WDR53: variants seen among roughly 807,000 people sequenced by gnomAD.
The protein encoded by WDR53 is WD repeat-containing protein 53.
WDR53 carries 19 observed loss-of-function variants against 21.3 expected under a neutral mutation model. That is an observed-to-expected ratio of 0.89 (90% CI 0.62 to 1.31). The LOEUF (loss-of-function observed/expected upper bound fraction) is 1.31. WDR53 is among the 50% of genes most tolerant of loss of function. WDR53 has a pLI of 0.00. For missense variants in WDR53, 374 were observed against 423.2 expected, an observed-to-expected ratio of 0.88 and a Z score of 1.02; for synonymous variants, 157 against 163.4, an observed-to-expected ratio of 0.96 and a Z score of 0.30.
intron 3 of WDR53, among the ~76,000 whole-genome samples, chr3:196,555,245 T>C (rs1734223899): frequency 6.6e-6 from 1 of 152,232 alleles, no homozygotes; most frequent in African/African-American, 2.4e-5. Context: ...AATGCCTTCC[T>C]TTCCTTTCAC....
At chr3:196,556,359 T>TA in intron 3 of WDR53, among the ~76,000 whole-genome samples, 1 of 152,110 alleles carries the variant, frequency 6.6e-6, no homozygotes, top group African/African-American at 2.4e-5. Context: ...CAGTTTCTAT[T>TA]AAAAAATCTG....
chr3:196,568,128 C>A (rs562541241), intron 1 of WDR53, among the ~76,000 whole-genome samples: 1 of 152,278 alleles, frequency 6.6e-6, no homozygotes, highest in East Asian at 1.9e-4. Context: ...GACGGCAGCA[C>A]TTAATTAGCG....
At position 196,554,310 on chromosome 3, in the gene WDR53, T is replaced by C. The variant is rs781387801; in HGVS notation, c.978A>G (p.Lys326=). ...LPKLNIEHGE[K]VNWLLGTKIK... ...TTTTTGTACCCAAGAGCCAGTTCAC[T>C]TTTTCTCCATGTTCAATATTTAGCT... The change falls in exon 4 of 4, where the codon AAA becomes AAG. Residue 326 remains lysine, a synonymous_variant. Coordinates refer to ENST00000332629, the MANE Select transcript of WDR53 (RefSeq NM_182627.3). 1.5e-5 allele frequency: 25 copies of C among 1,614,194 alleles called. No homozygotes were observed. In the South Asian group the frequency reaches 2.6e-4, roughly 17 times the overall value.
At position 196,554,294 on chromosome 3, in the gene WDR53, C is replaced by T; in HGVS notation, c.994G>A (p.Gly332Ser). ...TTTTGGTGTCCCTTTATTTTTGTAC[C>T]CAAGAGCCAGTTCACTTTTTCTCCA... ...EHGEKVNWLL[G>S]TKIKGHQNIL... The change falls in exon 4 of 4, where the codon GGT (glycine) becomes AGT (serine). Residue 332 changes from glycine (G) to serine (S), a missense_variant. Gly to Ser is a moderately conservative substitution (Grantham distance 56). Transcript: ENST00000332629. The T allele has an allele frequency of 6.2e-7, 1 of 1,613,856 alleles. No individual in the cohort carries two copies. The highest frequency in any genetic ancestry group is 1.1e-5 in the South Asian group (1 of 91,068).
At chr3:196,556,651 G>A (rs1331892398) in intron 3 of WDR53, among the ~76,000 whole-genome samples, 4 of 70,184 alleles carry the variant, frequency 5.7e-5, no homozygotes, top group Non-Finnish European at 8.0e-5. Context: ...GCAAGACTCC[G>A]TCTTTAAAAA....
At chr3:196,557,498 T>C (rs1337744935) in intron 3 of WDR53, among the ~76,000 whole-genome samples, 1 of 152,172 alleles carries the variant, frequency 6.6e-6, no homozygotes, top group Admixed American at 6.5e-5. Context: ...GCTCTAATTG[T>C]ACCACTGCAC....
rs1360375906 is a variant in WDR53, at chr3:196,568,515, A to C, written c.-448+4T>G. On this transcript the variant is annotated splice_donor_region_variant and intron_variant, in intron 1 of 3. Transcript: ENST00000332629. ...CATCGAAGCCACCGGCGCCAGCCTC[A>C]TACCTGCGCTTCCCGCTCCCCTCCT... 1 of 152,422 alleles carries C rather than the reference A, an allele frequency of 6.6e-6. No individual in the cohort carries two copies. The highest frequency in any genetic ancestry group is 2.4e-5 in the African/African-American group (1 of 41,476). 9.4% of individuals were successfully genotyped at this position (152,422 alleles called of 1,614,324 possible).
chr3:196,556,045 GA>G (rs1734285787), intron 3 of WDR53, among the ~76,000 whole-genome samples: 1 of 151,968 alleles, frequency 6.6e-6, no homozygotes, highest in Non-Finnish European at 1.5e-5. Context: ...AACTTGATAT[GA>G]AAATAGTTTT....
At chr3:196,562,190 G>C (rs1734938573) in intron 2 of WDR53, among the ~76,000 whole-genome samples, 1 of 152,184 alleles carries the variant, frequency 6.6e-6, no homozygotes. Context: ...AATGCAAATT[G>C]TCAGACCCAA....
At chr3:196,565,926 C>G (rs1485927768) in intron 2 of WDR53, among the ~76,000 whole-genome samples, 1 of 152,364 alleles carries the variant, frequency 6.6e-6, no homozygotes, top group East Asian at 1.9e-4. Flanking sequence ...TCCCCACATT[C>G]ACGTATCAAG....
At chr3:196,565,086 A>G (rs1053315871) in intron 2 of WDR53, among the ~76,000 whole-genome samples, 17 of 152,200 alleles carry the variant, frequency 1.1e-4, no homozygotes, top group African/African-American at 4.1e-4. Flanking sequence ...CAGTTCCTAT[A>G]AATTTTTCCA....
chr3:196,555,010 T>TAGGTAGAATTA (rs60034115), intron 3 of WDR53, among the ~76,000 whole-genome samples: 128,817 of 151,648 alleles, frequency 0.85, 54,944 homozygotes, highest in East Asian at 0.98. Context: ...AGAGTGCGGT[T>TAGGTAGAATTA]AGGTAGAATT....
At chr3:196,568,169 G>C (rs926882806) in intron 1 of WDR53, among the ~76,000 whole-genome samples, 2 of 152,170 alleles carry the variant, frequency 1.3e-5, no homozygotes, top group Non-Finnish European at 2.9e-5. Context: ...TTGGGCGAGG[G>C]GGTGTTCAGT....
At chr3:196,555,509 G>A (rs541019574) in intron 3 of WDR53, among the ~76,000 whole-genome samples, 4 of 152,100 alleles carry the variant, frequency 2.6e-5, no homozygotes, top group East Asian at 3.9e-4. Context: ...TTGGCTTTTC[G>A]TTGTTCCCGA....
At chr3:196,554,846 T>C in intron 3 of WDR53, 39 bp from the exon 4 acceptor site, 3 of 1,538,438 alleles carry the variant, frequency 2.0e-6, no homozygotes, top group Non-Finnish European at 2.7e-6. Flanking sequence ...TACAAAATGC[T>C]AGCCAATTTG....
intron 2 of WDR53, among the ~76,000 whole-genome samples, chr3:196,565,569 G>T (rs1440334941): frequency 1.4e-5 from 2 of 144,790 alleles, no homozygotes; most frequent in Non-Finnish European, 3.0e-5. Flanking sequence ...GAGGGGGCAG[G>T]GGGGAGTTTG....
At chr3:196,559,164 T>C (rs992825904) in intron 3 of WDR53, among the ~76,000 whole-genome samples, 1 of 152,218 alleles carries the variant, frequency 6.6e-6, no homozygotes, top group African/African-American at 2.4e-5. Context: ...GAATGACTAC[T>C]CAAAGACACA....
In WDR53 at chr3:196,554,624, G is replaced by A. The variant is rs536122221; in HGVS notation, c.664C>T (p.Arg222Ter). Residue 222 changes from arginine to a stop codon, truncating the protein, a stop_gained, in exon 4 of 4, where the codon CGA becomes TGA. Transcript: ENST00000332629. LOFTEE classifies it high-confidence loss of function. The part of the protein sequence containing the change: ...FSCGAEDGKV[R>*]IFRVMGVKCE... The stretch of plus-strand genomic sequence containing the variant: ...TTAACTCCCATCACCCGAAAGATTC[G>A]AACCTTACCATCTTCTGCACCACAA... 1.1e-4 allele frequency: 183 copies of A among 1,613,990 alleles called. 2 individuals are homozygous for A. In the South Asian group the frequency reaches 1.8e-3, roughly 16 times the overall value.
Position 196,567,828 on chromosome 3 carries a change from G to C in WDR53, c.-447-521C>G, listed in dbSNP as rs187529066. 2.3e-3 allele frequency among the ~76,000 whole-genome samples: 353 copies of C among 151,606 alleles called. 3 individuals are homozygous for C. Among genetic ancestry groups the C allele is most frequent in the African/African-American group, 8.3e-3 (342 of 41,204 alleles). On this transcript the variant is annotated intron_variant, in intron 1 of 3. Transcript: ENST00000332629. ...CTGTCGCCCAGGCTGGAGCACAGCAGGGCGATTACGGTTCACCTCAGCCTC... is the reference window on the plus strand; with the variant it reads ...CTGTCGCCCAGGCTGGAGCACAGCACGGCGATTACGGTTCACCTCAGCCTC...
Sources: allele counts gnomAD v4.1 joint callset (sites outside exome capture counted in the v4.1 genomes callset), GRCh38; gene constraint gnomAD v4.1.1; transcripts MANE v1.5; gene names NCBI Gene and HGNC (gene_info 2026-07-23, HGNC 2026-07-21).